HS6ST3: variants seen among roughly 807,000 people sequenced by gnomAD.
HS6ST3 encodes heparan sulfate 6-O-sulfotransferase 3.
A neutral mutation model predicts 36.7 loss-of-function variants in HS6ST3; 12 were observed. The ratio of observed to expected loss-of-function variants is 0.33; its 90% CI spans 0.21 to 0.53. HS6ST3 has a LOEUF of 0.53. HS6ST3 is among the 20% of genes least tolerant of loss of function. The pLI, the probability that HS6ST3 is intolerant of heterozygous loss-of-function variation, is 0.95. For missense variants in HS6ST3, 584 were observed against 640.9 expected, an observed-to-expected ratio of 0.91 and a Z score of 0.96; for synonymous variants, 240 against 257.5, an observed-to-expected ratio of 0.93 and a Z score of 0.65.
chr13:96,237,536 G>A (rs1005918547), intron 1 of HS6ST3, among the ~76,000 whole-genome samples: 3 of 152,014 alleles, frequency 2.0e-5, no homozygotes, highest in African/African-American at 7.3e-5. Flanking sequence ...CCAGATCAGT[G>A]TTTAAAAATA....
chr13:96,091,593 G>C (rs1477721478), intron 1 of HS6ST3, 24 bp downstream of exon 1: 3 of 1,539,952 alleles, frequency 1.9e-6, no homozygotes, highest in East Asian at 2.4e-5. Context: ...CTGGGTCTCT[G>C]TTCTTCCCCC....
intron 1 of HS6ST3, among the ~76,000 whole-genome samples, chr13:96,483,686 T>C (rs2138899800): frequency 6.6e-6 from 1 of 152,294 alleles, no homozygotes; most frequent in African/African-American, 2.4e-5. Flanking sequence ...GTTATGTTTC[T>C]TACTTAAGAG....
chr13:96,735,498 A>C (rs560582306), intron 1 of HS6ST3, among the ~76,000 whole-genome samples: 4 of 152,302 alleles, frequency 2.6e-5, no homozygotes, highest in African/African-American at 9.6e-5. Flanking sequence ...AAGCATTAAA[A>C]CTTGTTAAAA....
intron 1 of HS6ST3, among the ~76,000 whole-genome samples, chr13:96,712,485 T>C (rs1482923041): frequency 1.3e-5 from 2 of 152,120 alleles, no homozygotes; most frequent in African/African-American, 4.8e-5. Flanking sequence ...AGCAAAAGCA[T>C]AGGGTCTCTA....
At chr13:96,786,767 G>T (rs975361566) in intron 1 of HS6ST3, among the ~76,000 whole-genome samples, 2 of 151,608 alleles carry the variant, frequency 1.3e-5, no homozygotes, top group African/African-American at 2.4e-5. Flanking sequence ...GACCTTTTGT[G>T]GTGTACAATT....
intron 1 of HS6ST3, among the ~76,000 whole-genome samples, chr13:96,114,115 A>G (rs1050415779): frequency 6.6e-6 from 1 of 151,776 alleles, no homozygotes; most frequent in African/African-American, 2.4e-5. Flanking sequence ...GGGTAATTTT[A>G]ATTTCTTTTC....
intron 1 of HS6ST3, among the ~76,000 whole-genome samples, chr13:96,414,246 A>T (rs1188513851): frequency 6.6e-6 from 1 of 152,212 alleles, no homozygotes; most frequent in Non-Finnish European, 1.5e-5. Context: ...AATTCATTTC[A>T]TTGTGGTTTA....
chr13:96,660,365 A>G (rs1555317088), intron 1 of HS6ST3, among the ~76,000 whole-genome samples: 11 of 152,198 alleles, frequency 7.2e-5, no homozygotes, highest in Non-Finnish European at 1.6e-4. Context: ...TTACAAATAA[A>G]TAGTAGAAGT....
intron 1 of HS6ST3, among the ~76,000 whole-genome samples, chr13:96,693,483 T>C (rs1345233687): frequency 6.6e-6 from 1 of 152,050 alleles, no homozygotes; most frequent in East Asian, 1.9e-4. Flanking sequence ...TTTGTATTTT[T>C]ATAGAGATGG....
At chr13:96,262,665 C>G (rs1009591015) in intron 1 of HS6ST3, among the ~76,000 whole-genome samples, 11 of 152,116 alleles carry the variant, frequency 7.2e-5, no homozygotes, top group Admixed American at 2.0e-4. Flanking sequence ...TTCAGCTAAC[C>G]TGACTGTTGT....
intron 1 of HS6ST3, among the ~76,000 whole-genome samples, chr13:96,353,969 G>T (rs2055197505): frequency 6.6e-6 from 1 of 152,078 alleles, no homozygotes; most frequent in Non-Finnish European, 1.5e-5. Flanking sequence ...CATACTACTG[G>T]CATTATCTCT....
intron 1 of HS6ST3, among the ~76,000 whole-genome samples, chr13:96,422,125 T>C (rs1262670670): frequency 6.6e-6 from 1 of 152,178 alleles, no homozygotes; most frequent in African/African-American, 2.4e-5. Context: ...AGTGTTAAGA[T>C]ATACTTTTTG....
intron 1 of HS6ST3, among the ~76,000 whole-genome samples, chr13:96,394,252 G>C (rs892471067): frequency 1.4e-4 from 22 of 151,746 alleles, no homozygotes; most frequent in Admixed American, 5.2e-4. Flanking sequence ...ACTGCCTACT[G>C]AGAGGAGTGC....
intron 1 of HS6ST3, among the ~76,000 whole-genome samples, chr13:96,832,059 T>TGTAA (rs905598427): frequency 1.3e-5 from 2 of 151,460 alleles, no homozygotes; most frequent in African/African-American, 4.9e-5. Flanking sequence ...ACCTCCTTCA[T>TGTAA]GTAACCCTAT....
At chr13:96,673,176 T>C (rs2056688001) in intron 1 of HS6ST3, among the ~76,000 whole-genome samples, 1 of 152,160 alleles carries the variant, frequency 6.6e-6, no homozygotes, top group Admixed American at 6.5e-5. Flanking sequence ...TTCACATCAC[T>C]TTCTCCTCTG....
At chr13:96,107,776 C>G (rs2053848427) in intron 1 of HS6ST3, among the ~76,000 whole-genome samples, 1 of 152,174 alleles carries the variant, frequency 6.6e-6, no homozygotes, top group East Asian at 1.9e-4. Flanking sequence ...ACTGCGGTTT[C>G]TGAACATAAA....
At chr13:96,416,796 A>G (rs1341551704) in intron 1 of HS6ST3, among the ~76,000 whole-genome samples, 1 of 139,436 alleles carries the variant, frequency 7.2e-6, no homozygotes, top group Non-Finnish European at 1.5e-5. Flanking sequence ...TCTGTTGCCC[A>G]GGCTAGAGTG....
At chr13:96,809,424 T>G (rs1241531208) in intron 1 of HS6ST3, among the ~76,000 whole-genome samples, 1 of 152,218 alleles carries the variant, frequency 6.6e-6, no homozygotes, top group Non-Finnish European at 1.5e-5. Context: ...TTTTTGCTTT[T>G]AGATTTGGAA....
intron 1 of HS6ST3, among the ~76,000 whole-genome samples, chr13:96,593,157 G>GTTT (rs2056388874): frequency 8.3e-6 from 1 of 119,804 alleles, no homozygotes; most frequent in South Asian, 2.8e-4. Context: ...TCCTCTGACT[G>GTTT]TGTATTTTCT....
Sources: allele counts gnomAD v4.1 joint callset (sites outside exome capture counted in the v4.1 genomes callset), GRCh38; gene constraint gnomAD v4.1.1; transcripts MANE v1.5; gene names NCBI Gene and HGNC (gene_info 2026-07-23, HGNC 2026-07-21).